The following CDK18 variants were observed in gnomAD, a reference collection of about 807,000 sequenced individuals.
The protein encoded by CDK18 is cyclin dependent kinase 18.
A neutral mutation model predicts 62.0 loss-of-function variants in CDK18; 52 were observed. The ratio of observed to expected loss-of-function variants is 0.84; its 90% CI spans 0.67 to 1.06. CDK18 has a LOEUF of 1.06. Among genes scored for constraint, CDK18 ranks in the 50% least tolerant of loss-of-function variants. CDK18 has a pLI of 0.00. For synonymous variants in CDK18, 237 were observed against 247.0 expected, an observed-to-expected ratio of 0.96 and a Z score of 0.38; for missense variants, 604 against 619.9, an observed-to-expected ratio of 0.97 and a Z score of 0.27.
At chr1:205,530,416 G>A (rs1668680366) in intron 14 of CDK18, 67 bp downstream of exon 14, 2 of 1,510,052 alleles carry the variant, frequency 1.3e-6, no homozygotes, top group Middle Eastern at 1.7e-4. Context: ...AGTGTGGGCA[G>A]AAGAACCAGA....
At chr1:205,507,337 G>A (rs1667354576) in intron 1 of CDK18, among the ~76,000 whole-genome samples, 1 of 152,112 alleles carries the variant, frequency 6.6e-6, no homozygotes, top group African/African-American at 2.4e-5. Flanking sequence ...ATAGAGGGCT[G>A]TTATAAGATT....
chr1:205,510,280 T>G (rs1405646725), intron 1 of CDK18, among the ~76,000 whole-genome samples: 1 of 152,082 alleles, frequency 6.6e-6, no homozygotes, highest in African/African-American at 2.4e-5. Context: ...CCCAGCACCC[T>G]GGGCTGCGGG....
Position 205,527,881 on chromosome 1 carries a change from A to G in CDK18, c.817A>G (p.Ile273Val). Residue 273 changes from isoleucine (I) to valine (V), a missense_variant, in exon 9 of 16, where the codon ATC (isoleucine) becomes GTC (valine). Ile to Val is a conservative substitution (Grantham distance 29). Coordinates refer to ENST00000429964, the MANE Select transcript of CDK18 (RefSeq NM_212502.3). The surrounding 1 kb of genome is among the most constrained non-coding windows in gnomAD (Gnocchi z 4.1). ...GGACCTGAAGCCCCAGAACCTGCTC[A>G]TCAACGAGAGGGGGGAGCTGAAGCT... is the stretch of plus-strand genomic sequence containing the variant. ...HRDLKPQNLL[I>V]NERGELKLAD... 6.2e-7 allele frequency: 1 copy of G among 1,614,096 alleles called. No homozygotes were observed. The highest frequency in any genetic ancestry group is 8.5e-7 in the Non-Finnish European group (1 of 1,180,006).
chr1:205,518,547 G>C (rs1230986574), intron 1 of CDK18, among the ~76,000 whole-genome samples: 1 of 152,214 alleles, frequency 6.6e-6, no homozygotes. Context: ...GGCGGGGAGG[G>C]CTCCAGGTAG....
intron 1 of CDK18, among the ~76,000 whole-genome samples, chr1:205,519,162 G>A (rs1269123232): frequency 6.6e-6 from 1 of 152,156 alleles, no homozygotes; most frequent in Admixed American, 6.5e-5. Context: ...TCCCCACTTG[G>A]GGGTGAGGGG....
intron 3 of CDK18, 71 bp downstream of exon 3, chr1:205,523,696 C>G: frequency 1.3e-6 from 2 of 1,495,602 alleles, no homozygotes; most frequent in Non-Finnish European, 1.8e-6. Flanking sequence ...AGGAGGGCAG[C>G]TGCCTTACAG....
intron 15 of CDK18, among the ~76,000 whole-genome samples, chr1:205,531,112 A>G (rs1472404717): frequency 1.3e-5 from 2 of 152,208 alleles, no homozygotes; most frequent in African/African-American, 4.8e-5. Flanking sequence ...TACTATTAAT[A>G]TTCCCCATTT....
intron 7 of CDK18, 54 bp downstream of exon 7, chr1:205,526,515 G>A: frequency 4.3e-6 from 6 of 1,402,690 alleles, no homozygotes; most frequent in Non-Finnish European, 6.1e-6. Flanking sequence ...GAAACGGGGT[G>A]TGGGTAGGGG....
intron 1 of CDK18, among the ~76,000 whole-genome samples, chr1:205,522,060 C>T (rs369640898): frequency 2.0e-5 from 3 of 152,034 alleles, no homozygotes; most frequent in Non-Finnish European, 4.4e-5. Context: ...CTGCACTGAG[C>T]GTGTAGGAAA....
chr1:205,526,742 T>C, intron 7 of CDK18, 33 bp from the exon 8 acceptor site: 1 of 1,600,200 alleles, frequency 6.2e-7, no homozygotes. Flanking sequence ...GGGGTCAGCG[T>C]GGGGCAGGAC....
At position 205,531,468 on chromosome 1, in the gene CDK18, T is replaced by C. The variant is rs1393384980; in HGVS notation, c.*90T>C. ...GGAGCCTGTGTGGCCCTCGGAGGAC[T>C]GAAGAACGAGGGCTGACAGCCAGCC... On this transcript the variant is annotated 3_prime_UTR_variant, in exon 16 of 16. Transcript: ENST00000429964. 1 of 1,253,562 alleles carries C rather than the reference T, an allele frequency of 8.0e-7. No homozygotes were observed. The highest frequency in any genetic ancestry group is 1.2e-6 in the Non-Finnish European group (1 of 853,914). The allele number at this position is 1,253,562 out of a possible 1,614,324, so 77.7% of individuals were successfully genotyped here. A position where few individuals can be genotyped will look rare whatever the true frequency, so the allele number is the denominator to read the frequency against.
Position 205,531,758 on chromosome 1 carries a change from C to G in CDK18, c.*380C>G, listed in dbSNP as rs1668749336. On this transcript the variant is annotated 3_prime_UTR_variant, in exon 16 of 16. Coordinates refer to ENST00000429964, the MANE Select transcript of CDK18 (RefSeq NM_212502.3). ...CTCTGCCCTGGATACAGGCTCTACC[C>G]TCCTCCCCCAGGACCTGCCTAGTGC... 1 of 245,708 alleles carries G rather than the reference C, an allele frequency of 4.1e-6. No individual in the cohort carries two copies. The highest frequency in any genetic ancestry group is 8.0e-6 in the Non-Finnish European group (1 of 124,686). The allele number at this position is 245,708 out of a possible 1,614,324, so 15.2% of individuals were successfully genotyped here.
chr1:205,516,420 G>A lies in CDK18; in HGVS notation c.-21-6727G>A, dbSNP rs1030211612. On this transcript the variant is annotated intron_variant, in intron 1 of 15. Coordinates refer to ENST00000429964, the MANE Select transcript of CDK18 (RefSeq NM_212502.3). The surrounding 1 kb of genome is among the most constrained non-coding windows in gnomAD (Gnocchi z 4.8). ...AGACCCTCTGGGCTTCAGAAAGTGG[G>A]CAGCCACAAGTTACGTCCCCCAACC... Among the ~76,000 whole-genome samples the A allele has an allele frequency of 6.6e-6, 1 of 152,186 alleles. No homozygotes were observed. The highest frequency in any genetic ancestry group is 2.4e-5 in the African/African-American group (1 of 41,438).
intron 1 of CDK18, among the ~76,000 whole-genome samples, chr1:205,510,482 G>T (rs956572684): frequency 3.9e-5 from 6 of 152,326 alleles, no homozygotes; most frequent in Non-Finnish European, 7.4e-5. Flanking sequence ...TGATCCTGCC[G>T]TGGAGCCCAG....
At chr1:205,510,488 C>T (rs1667516938) in intron 1 of CDK18, among the ~76,000 whole-genome samples, 1 of 152,218 alleles carries the variant, frequency 6.6e-6, no homozygotes, top group Admixed American at 6.5e-5. Flanking sequence ...TGCCGTGGAG[C>T]CCAGCTGGCA....
chr1:205,518,066 G>A (rs1038076778), intron 1 of CDK18, among the ~76,000 whole-genome samples: 1 of 152,068 alleles, frequency 6.6e-6, no homozygotes, highest in African/African-American at 2.4e-5. Context: ...CCCAGACCCT[G>A]CATGACTGAC....
At chr1:205,523,352 C>A in intron 2 of CDK18, 55 bp downstream of exon 2, 2 of 1,610,940 alleles carry the variant, frequency 1.2e-6, no homozygotes, top group South Asian at 1.1e-5. Flanking sequence ...ACTCCCCAGT[C>A]ACCTTCCCCT....
chr1:205,527,544 C>T lies in CDK18; in HGVS notation c.730-250C>T. 1 of 494,938 alleles carries T rather than the reference C, an allele frequency of 2.0e-6. No homozygotes were observed. Among genetic ancestry groups the T allele is most frequent in the Non-Finnish European group, 3.6e-6 (1 of 275,472 alleles). 30.7% of individuals were successfully genotyped at this position (494,938 alleles called of 1,614,324 possible). ...CTCCACATAGGCGGGCATCCTGACC[C>T]CCGTGCTCCTGACTGAGACTTCGCT... On this transcript the variant is annotated intron_variant, in intron 8 of 15. Coordinates refer to ENST00000429964, the MANE Select transcript of CDK18 (RefSeq NM_212502.3). The surrounding 1 kb of genome is among the most constrained non-coding windows in gnomAD (Gnocchi z 4.1).
intron 1 of CDK18, among the ~76,000 whole-genome samples, chr1:205,521,394 A>C (rs1053190625): frequency 6.6e-6 from 1 of 152,104 alleles, no homozygotes; most frequent in Non-Finnish European, 1.5e-5. Context: ...TTGTATTTTT[A>C]GTAGAGACAG....
Sources: gnomAD v4.1 joint callset for allele counts (sites outside exome capture counted in the v4.1 genomes callset) on GRCh38, gnomAD v4.1.1 for gene constraint, Gnocchi (gnomAD v3.1) non-coding constraint, MANE v1.5 for transcripts, NCBI Gene and HGNC (gene_info 2026-07-23, HGNC 2026-07-21) for gene names.